The following ADAMTSL3 variants were observed in gnomAD, a reference collection of about 807,000 sequenced individuals.
The protein encoded by ADAMTSL3 is ADAMTS-like protein 3.
In ADAMTSL3, 128 loss-of-function variants were observed where a neutral mutation model predicts 201.7. The ratio of observed to expected loss-of-function variants is 0.63; its 90% CI spans 0.55 to 0.73. The LOEUF (loss-of-function observed/expected upper bound fraction) is 0.73. ADAMTSL3 is among the 30% of genes least tolerant of loss of function. ADAMTSL3 has a pLI of 0.00. For synonymous variants in ADAMTSL3, 738 were observed against 748.4 expected (o/e 0.99, Z 0.23); for missense variants, 1,990 against 2,119.6 (o/e 0.94, Z 1.20).
intron 23 of ADAMTSL3, among the ~76,000 whole-genome samples, chr15:84,010,714 T>C (rs1231922571): frequency 6.6e-6 from 1 of 152,124 alleles, no homozygotes; most frequent in Non-Finnish European, 1.5e-5. Context: ...CAAGAGAAAA[T>C]TTAACAAGAA....
chr15:83,767,290 T>C (rs2062908046), intron 3 of ADAMTSL3, among the ~76,000 whole-genome samples: 1 of 152,198 alleles, frequency 6.6e-6, no homozygotes, highest in South Asian at 2.1e-4. Context: ...GCTTGCGTTA[T>C]GTAGGACAAG....
chr15:84,007,842 GA>G (rs1191695900), intron 23 of ADAMTSL3, among the ~76,000 whole-genome samples: 9 of 152,150 alleles, frequency 5.9e-5, no homozygotes, highest in Non-Finnish European at 4.4e-5. Context: ...AGGGAGATGA[GA>G]TAAGTATTCC....
chr15:83,676,803 C>T (rs373691630), intron 2 of ADAMTSL3, among the ~76,000 whole-genome samples: 24 of 152,330 alleles, frequency 1.6e-4, no homozygotes, highest in African/African-American at 4.3e-4. Context: ...GGCCAAAAGG[C>T]GCTTGTTTGC....
At chr15:83,882,934 C>G (rs537671559) in intron 9 of ADAMTSL3, among the ~76,000 whole-genome samples, 3 of 152,098 alleles carry the variant, frequency 2.0e-5, no homozygotes, top group African/African-American at 7.2e-5. Flanking sequence ...TTCTTAAAAT[C>G]TAGGAAATTC....
chr15:83,851,454 C>T (rs2064611533), intron 7 of ADAMTSL3, among the ~76,000 whole-genome samples: 1 of 152,152 alleles, frequency 6.6e-6, no homozygotes, highest in Admixed American at 6.5e-5. Context: ...TATATGCACA[C>T]ACACCCCTAG....
chr15:83,758,449 G>A (rs1453493431), intron 3 of ADAMTSL3, among the ~76,000 whole-genome samples: 1 of 152,192 alleles, frequency 6.6e-6, no homozygotes, highest in Non-Finnish European at 1.5e-5. Flanking sequence ...CCTTCCACCA[G>A]TTCCCTCCCA....
At position 83,983,221 on chromosome 15, in the gene ADAMTSL3, T is replaced by C. The variant is rs532004329; in HGVS notation, c.3593T>C (p.Ile1198Thr). 4 of 1,614,008 alleles carry C rather than the reference T, an allele frequency of 2.5e-6. No individual in the cohort carries two copies. The highest frequency in any genetic ancestry group is 2.7e-5 in the African/African-American group (2 of 75,024). The change falls in exon 21 of 30, where the codon ATT becomes ACT. Residue 1198 changes from isoleucine (I) to threonine (T), a missense_variant. Physicochemically the swap from Ile to Thr is moderately conservative, Grantham distance 89. Coordinates refer to ENST00000286744, the MANE Select transcript of ADAMTSL3 (RefSeq NM_207517.3). Reference protein sequence around the residue: ...ISFNKTINSRIGNTVYITKRT... With the variant: ...ISFNKTINSRTGNTVYITKRT... ...TTTAATAAAACAATAAATTCCAGGA[T>C]TGGAAATACAGTATACATTACAAAA... is the stretch of plus-strand genomic sequence containing the variant.
chr15:84,022,465 TTC>T (rs1369888966), intron 26 of ADAMTSL3, among the ~76,000 whole-genome samples: 1 of 152,216 alleles, frequency 6.6e-6, no homozygotes, highest in East Asian at 1.9e-4. Flanking sequence ...ACCTGGGAGG[TTC>T]TCAGTAAATA....
At chr15:83,864,493 A>G (rs1284119604) in intron 8 of ADAMTSL3, among the ~76,000 whole-genome samples, 1 of 152,266 alleles carries the variant, frequency 6.6e-6, no homozygotes, top group African/African-American at 2.4e-5. Context: ...CAGCATATAA[A>G]TAGAACCAAA....
chr15:83,782,159 T>C (rs1398480315), intron 4 of ADAMTSL3, among the ~76,000 whole-genome samples: 1 of 152,172 alleles, frequency 6.6e-6, no homozygotes, highest in Non-Finnish European at 1.5e-5. Flanking sequence ...AGCAAAGACA[T>C]GGAATCAACC....
At chr15:83,781,288 A>G (rs897691401) in intron 4 of ADAMTSL3, among the ~76,000 whole-genome samples, 1 of 152,208 alleles carries the variant, frequency 6.6e-6, no homozygotes. Flanking sequence ...AACAAAATAG[A>G]AAACCTAGAA....
chr15:83,730,242 G>A (rs2062244446), intron 3 of ADAMTSL3, among the ~76,000 whole-genome samples: 1 of 152,074 alleles, frequency 6.6e-6, no homozygotes, highest in African/African-American at 2.4e-5. Context: ...GAAGAAACAT[G>A]GAACATTATA....
chr15:83,808,168 C>G (rs747346446), intron 5 of ADAMTSL3, among the ~76,000 whole-genome samples: 2 of 151,722 alleles, frequency 1.3e-5, no homozygotes, highest in African/African-American at 4.8e-5. Flanking sequence ...TTACGTACAT[C>G]GAAGGAAACA....
rs897921354 is a variant in ADAMTSL3 at position 83,733,650 on chromosome 15, C to T, written c.189+29142C>T. Among the ~76,000 whole-genome samples the T allele has an allele frequency of 3.3e-5, 5 of 152,218 alleles. No individual in the cohort carries two copies. The East Asian group carries it at 5.8e-4, about 18-fold the overall frequency. On this transcript the variant is annotated intron_variant, in intron 3 of 29. Coordinates refer to ENST00000286744, the MANE Select transcript of ADAMTSL3 (RefSeq NM_207517.3). ...AAATCTTTCAAATGATCGCACCGTA[C>T]TTGCTAATCTTTGAAGGAAGCTCTC...
At chr15:83,976,911 A>C (rs901062055) in intron 20 of ADAMTSL3, among the ~76,000 whole-genome samples, 1 of 152,112 alleles carries the variant, frequency 6.6e-6, no homozygotes, top group African/African-American at 2.4e-5. Context: ...TGACGCCATT[A>C]ACTTGGGGAA....
At chr15:83,846,519 G>A (rs2064501228) in intron 7 of ADAMTSL3, among the ~76,000 whole-genome samples, 1 of 152,240 alleles carries the variant, frequency 6.6e-6, no homozygotes, top group South Asian at 2.1e-4. Flanking sequence ...TGGAGTCAGA[G>A]GGGAGCAAAG....
At chr15:83,907,649 C>A (rs1461777423) in intron 15 of ADAMTSL3, among the ~76,000 whole-genome samples, 4 of 152,146 alleles carry the variant, frequency 2.6e-5, no homozygotes, top group Non-Finnish European at 5.9e-5. Flanking sequence ...AGTGATCTGC[C>A]CACCTTGGCC....
intron 4 of ADAMTSL3, among the ~76,000 whole-genome samples, chr15:83,802,835 T>G (rs1485140259): frequency 6.6e-6 from 1 of 152,196 alleles, no homozygotes; most frequent in Non-Finnish European, 1.5e-5. Context: ...AAATAGAATT[T>G]TAATATATGT....
At chr15:83,664,962 A>T (rs1199155940) in intron 2 of ADAMTSL3, among the ~76,000 whole-genome samples, 2 of 152,178 alleles carry the variant, frequency 1.3e-5, no homozygotes, top group East Asian at 1.9e-4. Context: ...GATTTTACTC[A>T]GTTAGTAACA....
Sources: allele counts gnomAD v4.1 joint callset (sites outside exome capture counted in the v4.1 genomes callset), GRCh38; gene constraint gnomAD v4.1.1; transcripts MANE v1.5; gene names NCBI Gene and HGNC (gene_info 2026-07-23, HGNC 2026-07-21).